CS: variants seen among roughly 807,000 people sequenced by gnomAD.
CS encodes citrate synthase, also known as citrate synthase, mitochondrial.
CS carries 13 observed loss-of-function variants against 61.4 expected under a neutral mutation model. The ratio of observed to expected loss-of-function variants is 0.21; its 90% confidence interval spans 0.14 to 0.34. The LOEUF is 0.34. Among genes scored for constraint, CS ranks in the 10% least tolerant of loss-of-function variants. The pLI is 1.00. For synonymous variants in CS, 159 were observed against 215.2 expected, an observed-to-expected ratio of 0.74 and a Z score of 2.29; for missense variants, 278 against 573.4, an observed-to-expected ratio of 0.48 and a Z score of 5.26.
Position 56,272,861 on chromosome 12 carries a change from G to A in CS, c.*223C>T, listed in dbSNP as rs530355595. On this transcript the variant is annotated 3_prime_UTR_variant, in exon 11 of 11. Transcript: ENST00000351328. ...TCCTGGTCATCCTCCAGGACCATGC[G>A]TATGATGGGCAACTCATACCAGGCA... 6.4e-5 allele frequency: 31 copies of A among 483,482 alleles called. No homozygotes were observed. In the East Asian group the frequency reaches 9.4e-4, roughly 15 times the overall value. The allele number at this position is 483,482 out of a possible 1,614,324, so 29.9% of individuals were successfully genotyped here.
In CS at chr12:56,274,792, T is replaced by G. The variant is rs1171012061; in HGVS notation, c.1005A>C (p.Thr335=). ...CTCTGCTTACCCGTCCTGAGTTGAG[T>G]GTGTTCCAGATGTAGTCTCGTAACT... is the stretch of plus-strand genomic sequence containing the variant. ...DEKLRDYIWN[T]LNSGRVVPGY... Residue 335 remains threonine, a synonymous_variant, in exon 9 of 11, where the codon ACA becomes ACC. Transcript: ENST00000351328. 6.2e-7 allele frequency: 1 copy of G among 1,602,170 alleles called. No homozygotes were observed. Among genetic ancestry groups the G allele is most frequent in the East Asian group, 2.2e-5 (1 of 44,800 alleles).
intron 4 of CS, among the ~76,000 whole-genome samples, 177 bp downstream of exon 4, chr12:56,283,615 G>A (rs751693208): frequency 2.0e-5 from 3 of 152,236 alleles, no homozygotes; most frequent in Non-Finnish European, 4.4e-5. Flanking sequence ...ATTTTTACTA[G>A]TTGATATATT....
intron 10 of CS, 60 bp from the exon 11 acceptor site, chr12:56,273,314 C>T: frequency 6.5e-7 from 1 of 1,527,812 alleles, no homozygotes; most frequent in Non-Finnish European, 9.0e-7. Context: ...TGTACAAGTC[C>T]TAGGTGATAG....
At chr12:56,279,923 G>A (rs1482537440) in intron 6 of CS, among the ~76,000 whole-genome samples, 1 of 151,588 alleles carries the variant, frequency 6.6e-6, no homozygotes, top group South Asian at 2.1e-4. Context: ...AGCTGAGATT[G>A]TGTCACTGCA....
chr12:56,297,042 G>A (rs1037559535), intron 1 of CS, among the ~76,000 whole-genome samples: 2 of 152,206 alleles, frequency 1.3e-5, no homozygotes, highest in African/African-American at 2.4e-5. Flanking sequence ...AGAAACCATT[G>A]GTTCCTTTGC....
At chr12:56,299,885 A>G in intron 1 of CS, 1 of 396,900 alleles carries the variant, frequency 2.5e-6, no homozygotes. Flanking sequence ...TTCCCCTTTC[A>G]TTTCAGACAT....
chr12:56,276,327 ATATTGAGT>A (rs143280167), intron 6 of CS, 132 bp from the exon 7 acceptor site: 13,254 of 718,368 alleles, frequency 0.018, 207 homozygotes, highest in Non-Finnish European at 0.024. Context: ...GGGTTGTTAT[ATATTGAGT>A]ATGTTTGAAA....
At chr12:56,283,679 C>T in intron 4 of CS, 113 bp downstream of exon 4, 3 of 719,452 alleles carry the variant, frequency 4.2e-6, no homozygotes, top group East Asian at 2.6e-5. Flanking sequence ...CTCTACCTTC[C>T]AATATATGAA....
chr12:56,297,531 G>A (rs536808622), intron 1 of CS, among the ~76,000 whole-genome samples: 95 of 152,046 alleles, frequency 6.2e-4, no homozygotes, highest in Admixed American at 9.2e-4. Context: ...GTGAAACCCC[G>A]TCTCTACCAA....
At chr12:56,298,288 G>A (rs998660183) in intron 1 of CS, among the ~76,000 whole-genome samples, 1 of 152,146 alleles carries the variant, frequency 6.6e-6, no homozygotes, top group Non-Finnish European at 1.5e-5. Context: ...GTGAGCCACT[G>A]CACCTGACCT....
intron 9 of CS, chr12:56,274,333 A>AG (rs1872579470): frequency 6.2e-6 from 1 of 161,992 alleles, no homozygotes; most frequent in Non-Finnish European, 1.3e-5. Flanking sequence ...AAAAAAAAAA[A>AG]AAAAAAAGAT....
At chr12:56,283,725 C>A in intron 4 of CS, 67 bp downstream of exon 4, 2 of 1,227,200 alleles carry the variant, frequency 1.6e-6, no homozygotes, top group South Asian at 1.2e-5. Flanking sequence ...CCTTACTGGT[C>A]TAATCCACGG....
chr12:56,275,376 C>A (rs1872600602), intron 7 of CS: 18 of 424,276 alleles, frequency 4.2e-5, no homozygotes, highest in South Asian at 4.1e-4. Flanking sequence ...AGATCAAGAC[C>A]ATCCTGGCCA....
At chr12:56,297,643 A>G (rs1873346518) in intron 1 of CS, among the ~76,000 whole-genome samples, 1 of 152,084 alleles carries the variant, frequency 6.6e-6, no homozygotes, top group Non-Finnish European at 1.5e-5. Context: ...GGCAGAGGTT[A>G]CAGTGAGCGG....
intron 2 of CS, 105 bp from the exon 3 acceptor site, chr12:56,286,128 C>A: frequency 2.4e-6 from 2 of 847,012 alleles, no homozygotes; most frequent in Non-Finnish European, 3.9e-6. Flanking sequence ...GCTTTATCTG[C>A]CAGGGAAGTC....
intron 7 of CS, 101 bp downstream of exon 7, chr12:56,275,895 C>A: frequency 9.7e-7 from 1 of 1,028,330 alleles, no homozygotes; most frequent in Non-Finnish European, 1.5e-6. Flanking sequence ...CTTCTTGCTG[C>A]CTATCATCTG....
chr12:56,272,895 G>A lies in CS; in HGVS notation c.*189C>T, dbSNP rs1872548956. The A allele has an allele frequency of 1.4e-5, 8 of 557,412 alleles. No individual in the cohort carries two copies. In the Admixed American group the frequency reaches 2.6e-4, roughly 18 times the overall value. 34.5% of individuals were successfully genotyped at this position (557,412 alleles called of 1,614,324 possible). On this transcript the variant is annotated 3_prime_UTR_variant, in exon 11 of 11. Coordinates refer to ENST00000351328, the MANE Select transcript of CS (RefSeq NM_004077.3). ...GCAACTCATACCAGGCAGGGGAAGG[G>A]AGCTGATTAGGGAAGAAGGGACCAT...
At chr12:56,278,315 A>T (rs1032259705) in intron 6 of CS, among the ~76,000 whole-genome samples, 1 of 151,986 alleles carries the variant, frequency 6.6e-6, no homozygotes, top group African/African-American at 2.4e-5. Flanking sequence ...TTTAGTAGAG[A>T]TGGGGTTTCA....
chr12:56,291,353 CT>C (rs879317710), intron 1 of CS: 61,625 of 639,476 alleles, frequency 0.096, no homozygotes, highest in Non-Finnish European at 0.11. Flanking sequence ...TTCTTTCTTT[CT>C]TTTTTTTTTT....
Sources: gnomAD v4.1 joint callset for allele counts (sites outside exome capture counted in the v4.1 genomes callset) on GRCh38, gnomAD v4.1.1 for gene constraint, MANE v1.5 for transcripts, NCBI Gene and HGNC (gene_info 2026-07-23, HGNC 2026-07-21) for gene names.